The following ABLIM3 variants were observed in gnomAD, a reference collection of about 807,000 sequenced individuals.
ABLIM3 encodes actin binding LIM protein family member 3.
A neutral mutation model predicts 109.5 loss-of-function variants in ABLIM3; 61 were observed. The ratio of observed to expected loss-of-function variants is 0.56; its 90% CI spans 0.45 to 0.69. ABLIM3 has a LOEUF of 0.69. Ranked by LOEUF, ABLIM3 falls within the 30% of genes least tolerant of loss-of-function variation. The probability of loss-of-function intolerance (pLI) is 0.00; values close to 1 mark genes in which losing one functional copy is unlikely to be tolerated. For synonymous variants in ABLIM3, 300 were observed against 324.8 expected, an observed-to-expected ratio of 0.92 and a Z score of 0.82; for missense variants, 796 against 889.5, an observed-to-expected ratio of 0.89 and a Z score of 1.34.
At chr5:149,222,886 T>G (rs2127534161) in intron 8 of ABLIM3, among the ~76,000 whole-genome samples, 1 of 152,294 alleles carries the variant, frequency 6.6e-6, no homozygotes, top group African/African-American at 2.4e-5. Context: ...TAGTATTGGT[T>G]GCTATAATTT....
Position 149,213,479 on chromosome 5 carries a change from G to T in ABLIM3, c.669+2660G>T, listed in dbSNP as rs188045092. 4.2e-4 allele frequency among the ~76,000 whole-genome samples: 64 copies of T among 152,318 alleles called. 1 individual carries two copies. Among genetic ancestry groups the T allele is most frequent in the African/African-American group, 1.5e-3 (61 of 41,564 alleles). Reference sequence around the variant, plus strand: ...CGGAAAAGCTGTTGGATGTGGGAAAGGTCACCTTCAGAAGAGTCGTTTGTT... The same window carrying T: ...CGGAAAAGCTGTTGGATGTGGGAAATGTCACCTTCAGAAGAGTCGTTTGTT... On this transcript the variant is annotated intron_variant, in intron 7 of 23. Coordinates refer to ENST00000309868, the MANE Select transcript of ABLIM3 (RefSeq NM_014945.5).
At chr5:149,189,940 T>C (rs1757319056) in intron 3 of ABLIM3, among the ~76,000 whole-genome samples, 1 of 152,200 alleles carries the variant, frequency 6.6e-6, no homozygotes, top group Non-Finnish European at 1.5e-5. Context: ...TTATTCGTAA[T>C]AGCCAAAAAG....
At chr5:149,219,857 C>T (rs1325177511) in intron 8 of ABLIM3, 10 of 152,224 alleles carry the variant, frequency 6.6e-5, no homozygotes, top group Non-Finnish European at 1.3e-4. Flanking sequence ...CTCCCATTCT[C>T]ATCCCTACCT....
intron 8 of ABLIM3, among the ~76,000 whole-genome samples, chr5:149,224,202 A>C (rs2127536064): frequency 6.6e-6 from 1 of 152,334 alleles, no homozygotes; most frequent in South Asian, 2.1e-4. Flanking sequence ...TAGGAATAAT[A>C]AGAATACTTA....
intron 2 of ABLIM3, among the ~76,000 whole-genome samples, chr5:149,170,228 T>TCTCTCTCTCTC (rs1750368216): frequency 8.0e-6 from 1 of 124,604 alleles, no homozygotes; most frequent in Non-Finnish European, 1.6e-5. Context: ...AGGGTTCTGT[T>TCTCTCTCTCTC]TCTCTCTCTC....
At chr5:149,247,096 C>T (rs752163473) in intron 17 of ABLIM3, among the ~76,000 whole-genome samples, 19 of 152,214 alleles carry the variant, frequency 1.2e-4, no homozygotes, top group Non-Finnish European at 1.8e-4. Context: ...TATGTCCATA[C>T]AGTGGAATAT....
intron 2 of ABLIM3, among the ~76,000 whole-genome samples, chr5:149,179,073 C>G (rs770263815): frequency 4.6e-5 from 7 of 152,178 alleles, no homozygotes; most frequent in Non-Finnish European, 1.0e-4. Flanking sequence ...AACTCCCATG[C>G]TCCTTTTCAT....
intron 4 of ABLIM3, chr5:149,199,084 T>C: frequency 2.2e-6 from 1 of 456,668 alleles, no homozygotes; most frequent in South Asian, 1.5e-5. Context: ...GCCTCCTGCT[T>C]TACCTTCCGC....
At chr5:149,212,507 A>T (rs2127518951) in intron 7 of ABLIM3, among the ~76,000 whole-genome samples, 1 of 152,206 alleles carries the variant, frequency 6.6e-6, no homozygotes, top group East Asian at 1.9e-4. Flanking sequence ...GGGATGAGTG[A>T]GGAGGCCCCT....
intron 10 of ABLIM3, among the ~76,000 whole-genome samples, chr5:149,237,183 A>G (rs1484235971): frequency 6.6e-6 from 1 of 152,244 alleles, no homozygotes; most frequent in Admixed American, 6.5e-5. Flanking sequence ...TCACAGAGGC[A>G]TTACAACATC....
intron 3 of ABLIM3, among the ~76,000 whole-genome samples, chr5:149,188,848 C>T (rs2127482991): frequency 6.6e-6 from 1 of 152,246 alleles, no homozygotes; most frequent in African/African-American, 2.4e-5. Flanking sequence ...GCTTCTTTGC[C>T]AAAATTGATG....
At chr5:149,143,208 CA>C (rs1287051554) in intron 2 of ABLIM3, among the ~76,000 whole-genome samples, 5 of 151,850 alleles carry the variant, frequency 3.3e-5, no homozygotes. Flanking sequence ...ACTAAAAACA[CA>C]AAAATTAGCC....
At chr5:149,162,268 A>T (rs190659550) in intron 2 of ABLIM3, among the ~76,000 whole-genome samples, 2 of 152,352 alleles carry the variant, frequency 1.3e-5, no homozygotes, top group East Asian at 3.9e-4. Context: ...CGACACAGAA[A>T]TTGAGCACAA....
At chr5:149,217,360 C>T (rs2127526257) in intron 8 of ABLIM3, 2 of 416,812 alleles carry the variant, frequency 4.8e-6, no homozygotes, top group Non-Finnish European at 8.9e-6. Context: ...CTGAGCTGCA[C>T]AGGCCCAAGG....
At chr5:149,249,398 GATTA>G (rs1289664302) in intron 18 of ABLIM3, among the ~76,000 whole-genome samples, 2 of 152,240 alleles carry the variant, frequency 1.3e-5, no homozygotes, top group Admixed American at 6.5e-5. Flanking sequence ...ACCAAAGCGT[GATTA>G]ATTAGATTGT....
Position 149,237,506 on chromosome 5 carries a change from A to G in ABLIM3, c.947A>G (p.Lys316Arg), listed in dbSNP as rs898423039. The G allele has an allele frequency of 1.9e-6, 3 of 1,614,198 alleles. No homozygotes were observed. The highest frequency in any genetic ancestry group is 2.2e-5 in the East Asian group (1 of 44,880). ...GACCTGGCGGCTCTCCCCAAGGTTAAGTCTATCTACGAGGTACAACGCCCC... is the reference window on the plus strand; with the variant it reads ...GACCTGGCGGCTCTCCCCAAGGTTAGGTCTATCTACGAGGTACAACGCCCC... ...YKDLAALPKV[K>R]SIYEVQRPDL... Residue 316 changes from lysine (K) to arginine (R), a missense_variant, in exon 11 of 24, where the codon AAG becomes AGG. Physicochemically the swap from Lys to Arg is conservative, Grantham distance 26. Transcript: ENST00000309868.
At chr5:149,171,589 T>G (rs944156609) in intron 2 of ABLIM3, among the ~76,000 whole-genome samples, 2 of 152,178 alleles carry the variant, frequency 1.3e-5, no homozygotes, top group Admixed American at 1.3e-4. Context: ...AGCTTTCCCA[T>G]AAATGCCTGG....
chr5:149,252,970 C>T (rs1410328854), intron 23 of ABLIM3, 133 bp downstream of exon 23: 1 of 661,838 alleles, frequency 1.5e-6, no homozygotes, highest in Non-Finnish European at 2.6e-6. Context: ...AAAGCAGGGA[C>T]TTGAACCAAT....
intron 3 of ABLIM3, among the ~76,000 whole-genome samples, chr5:149,193,654 A>T (rs1222514022): frequency 6.6e-6 from 1 of 152,220 alleles, no homozygotes. Context: ...TAATCAAAGC[A>T]TTCCTAAAGA....
Sources: gnomAD v4.1 joint callset for allele counts (sites outside exome capture counted in the v4.1 genomes callset) on GRCh38, gnomAD v4.1.1 for gene constraint, MANE v1.5 for transcripts, NCBI Gene and HGNC (gene_info 2026-07-23, HGNC 2026-07-21) for gene names.